Variants in SLC24A2 observed in about 807,000 individuals in gnomAD.
SLC24A2 encodes the protein sodium/potassium/calcium exchanger 2.
In SLC24A2, 36 loss-of-function variants were observed where a neutral mutation model predicts 62.0. The ratio of observed to expected loss-of-function variants is 0.58; its 90% CI spans 0.44 to 0.77. The LOEUF is 0.77. Among genes scored for constraint, SLC24A2 ranks in the 30% least tolerant of loss-of-function variants. The pLI, the probability that SLC24A2 is intolerant of heterozygous loss-of-function variation, is 0.00. For missense variants in SLC24A2, 846 were observed against 817.9 expected (o/e 1.03, Z -0.42); for synonymous variants, 358 against 294.0 (o/e 1.22, Z -2.23).
At chr9:19,925,605 G>T in the SLC24A2 span, among the ~76,000 whole-genome samples, 29,270 of 152,032 alleles carry the variant, frequency 0.19, 3,466 homozygotes, top group Middle Eastern at 0.29. Flanking sequence ...AATGGGGAAA[G>T]AAAATCTGCA....
At chr9:19,763,031 T>C (rs1822391961) in intron 2 of SLC24A2, among the ~76,000 whole-genome samples, 1 of 152,186 alleles carries the variant, frequency 6.6e-6, no homozygotes, top group African/African-American at 2.4e-5. Context: ...GAGGTGGTCC[T>C]TCACATCCCT....
At chr9:20,240,177 G>A in the SLC24A2 span, among the ~76,000 whole-genome samples, 4 of 152,136 alleles carry the variant, frequency 2.6e-5, no homozygotes, top group African/African-American at 9.7e-5. Context: ...AAGAGAGGTG[G>A]AGGAGAGAGA....
At chr9:19,788,224 C>T (rs549523996) in intron 1 of SLC24A2, among the ~76,000 whole-genome samples, 1 of 152,216 alleles carries the variant, frequency 6.6e-6, no homozygotes, top group Non-Finnish European at 1.5e-5. Flanking sequence ...AACCCGACCC[C>T]ATCACGGAGA....
At chr9:19,518,779 T>A (rs1170199734) in intron 10 of SLC24A2, among the ~76,000 whole-genome samples, 2 of 152,178 alleles carry the variant, frequency 1.3e-5, no homozygotes, top group South Asian at 4.1e-4. Context: ...ATAAAGAAAA[T>A]GCTGGCAAAG....
chr9:19,591,187 G>T (rs753915715), intron 5 of SLC24A2, among the ~76,000 whole-genome samples: 4 of 152,104 alleles, frequency 2.6e-5, no homozygotes, highest in Non-Finnish European at 5.9e-5. Context: ...TACATCTACA[G>T]CTCTGCCTGA....
At chr9:20,303,267 G>T in the SLC24A2 span, among the ~76,000 whole-genome samples, 1 of 151,980 alleles carries the variant, frequency 6.6e-6, no homozygotes, top group Admixed American at 6.6e-5. Flanking sequence ...GCCTCCAAAG[G>T]GTACATCCCT....
the SLC24A2 span, among the ~76,000 whole-genome samples, chr9:20,250,902 C>G: frequency 2.6e-5 from 4 of 152,146 alleles, no homozygotes; most frequent in Non-Finnish European, 4.4e-5. Flanking sequence ...TTCTGAGCAT[C>G]CCTGTAAGCT....
At chr9:20,137,386 C>T in the SLC24A2 span, among the ~76,000 whole-genome samples, 1 of 152,178 alleles carries the variant, frequency 6.6e-6, no homozygotes, top group African/African-American at 2.4e-5. Flanking sequence ...GCAGAGAGAG[C>T]ACTGAAGTTG....
At chr9:20,210,841 TG>T in the SLC24A2 span, among the ~76,000 whole-genome samples, 1 of 151,072 alleles carries the variant, frequency 6.6e-6, no homozygotes, top group Non-Finnish European at 1.5e-5. Context: ...TGCCAAGGGA[TG>T]GGGCTTGTAA....
At chr9:20,066,548 T>C in the SLC24A2 span, among the ~76,000 whole-genome samples, 1 of 152,242 alleles carries the variant, frequency 6.6e-6, no homozygotes, top group South Asian at 2.1e-4. Flanking sequence ...TTCCACTTTT[T>C]AAGGACCTAC....
At chr9:19,527,471 GT>G (rs1435590438) in intron 9 of SLC24A2, among the ~76,000 whole-genome samples, 1 of 152,170 alleles carries the variant, frequency 6.6e-6, no homozygotes, top group Non-Finnish European at 1.5e-5. Flanking sequence ...ATTATCAATA[GT>G]TACCACTATT....
chr9:19,532,204 T>G (rs2132673751), intron 8 of SLC24A2, among the ~76,000 whole-genome samples: 1 of 152,258 alleles, frequency 6.6e-6, no homozygotes, highest in South Asian at 2.1e-4. Context: ...TACCTCAGCC[T>G]CCTGAGGTAG....
the SLC24A2 span, among the ~76,000 whole-genome samples, chr9:20,147,698 A>G: frequency 5.9e-5 from 9 of 152,014 alleles, no homozygotes; most frequent in Non-Finnish European, 1.2e-4. Flanking sequence ...CTTCTGAAAT[A>G]AACTCACAAA....
intron 2 of SLC24A2, among the ~76,000 whole-genome samples, chr9:19,659,792 C>G (rs1023480755): frequency 2.2e-4 from 34 of 152,126 alleles, no homozygotes; most frequent in African/African-American, 7.0e-4. Flanking sequence ...CACAGACACA[C>G]TTGGAATGGT....
chr9:19,753,165 GACC>G (rs1822035960), intron 2 of SLC24A2, among the ~76,000 whole-genome samples: 1 of 152,158 alleles, frequency 6.6e-6, no homozygotes, highest in Non-Finnish European at 1.5e-5. Flanking sequence ...GAAGTCCCCA[GACC>G]ACTGCTGGCT....
the SLC24A2 span, among the ~76,000 whole-genome samples, chr9:19,909,975 T>C: frequency 6.6e-6 from 1 of 152,222 alleles, no homozygotes; most frequent in South Asian, 2.1e-4. Flanking sequence ...CACTGGCCCT[T>C]CCATATTCAC....
At chr9:19,578,548 C>T (rs1369144054) in intron 5 of SLC24A2, among the ~76,000 whole-genome samples, 1 of 38,086 alleles carries the variant, frequency 2.6e-5, no homozygotes, top group East Asian at 1.7e-3. Context: ...AGTTTTCCCA[C>T]GATGTATTTT....
chr9:19,851,719 C>T, the SLC24A2 span, among the ~76,000 whole-genome samples: 1 of 152,100 alleles, frequency 6.6e-6, no homozygotes, highest in South Asian at 2.1e-4. Context: ...TTTAAAAAAT[C>T]CAGTTAATCA....
chr9:20,220,765 G>A, the SLC24A2 span, among the ~76,000 whole-genome samples: 1 of 152,074 alleles, frequency 6.6e-6, no homozygotes, highest in Non-Finnish European at 1.5e-5. Flanking sequence ...GATCCAGGAT[G>A]GAGTGCTGAT....
Sources: allele counts gnomAD v4.1 joint callset (sites outside exome capture counted in the v4.1 genomes callset), GRCh38; gene constraint gnomAD v4.1.1; transcripts MANE v1.5; gene names NCBI Gene and HGNC (gene_info 2026-07-23, HGNC 2026-07-21).